KSR2: variants seen among roughly 807,000 people sequenced by gnomAD.
The protein encoded by KSR2 is kinase suppressor of ras 2.
In KSR2, 25 loss-of-function variants were observed where a neutral mutation model predicts 107.8. The observed-to-expected ratio is 0.23, with a 90% CI of 0.17 to 0.32. The LOEUF (loss-of-function observed/expected upper bound fraction) is 0.32. Among genes scored for constraint, KSR2 ranks in the 10% least tolerant of loss-of-function variants. KSR2 has a pLI of 1.00. For missense variants in KSR2, 887 were observed against 1,268.9 expected, an observed-to-expected ratio of 0.70 and a Z score of 4.57; for synonymous variants, 480 against 507.0, an observed-to-expected ratio of 0.95 and a Z score of 0.71.
At chr12:117,583,030 G>A (rs1354859660) in intron 5 of KSR2, among the ~76,000 whole-genome samples, 2 of 152,222 alleles carry the variant, frequency 1.3e-5, no homozygotes, top group East Asian at 3.9e-4. Context: ...ATCAATTTCT[G>A]TATATTATAG....
chr12:117,825,840 T>C (rs377508260), intron 3 of KSR2, among the ~76,000 whole-genome samples: 82 of 149,386 alleles, frequency 5.5e-4, no homozygotes, highest in African/African-American at 2.0e-3. Flanking sequence ...GATGGATGGG[T>C]AGGTGGATAA....
chr12:117,775,990 T>C (rs1357607784), intron 3 of KSR2, among the ~76,000 whole-genome samples: 2 of 152,112 alleles, frequency 1.3e-5, no homozygotes, highest in African/African-American at 2.4e-5. Flanking sequence ...GTTCAGTGTA[T>C]ACTGCTCGGG....
At chr12:117,716,098 C>T (rs1337296593) in intron 4 of KSR2, among the ~76,000 whole-genome samples, 2 of 152,216 alleles carry the variant, frequency 1.3e-5, no homozygotes, top group African/African-American at 4.8e-5. Context: ...TCTTTCATAG[C>T]ACCTGGAACA....
chr12:117,494,838 C>A (rs774886668), intron 14 of KSR2, among the ~76,000 whole-genome samples: 1 of 152,158 alleles, frequency 6.6e-6, no homozygotes, highest in South Asian at 2.1e-4. Context: ...ATTCTGAGAG[C>A]TGAATGAAGA....
chr12:117,739,129 GC>G (rs1293298471), intron 4 of KSR2, among the ~76,000 whole-genome samples: 1 of 152,212 alleles, frequency 6.6e-6, no homozygotes, highest in Non-Finnish European at 1.5e-5. Flanking sequence ...GCCAAGGTGG[GC>G]AGATCACGAG....
intron 14 of KSR2, among the ~76,000 whole-genome samples, chr12:117,514,454 C>A (rs1874234147): frequency 2.6e-5 from 4 of 152,074 alleles, no homozygotes; most frequent in Admixed American, 2.6e-4. Context: ...TGGGTGGCTC[C>A]CCTGACTGCC....
chr12:117,939,581 G>A lies in KSR2; in HGVS notation c.180+28495C>T, dbSNP rs555500647. On this transcript the variant is annotated intron_variant, in intron 1 of 19. Transcript: ENST00000339824. ...CAAAAAATTAGCTGGGCGTGGTGGC[G>A]GACGCCTGTAATCTCACCTACTCGG... Among the ~76,000 whole-genome samples, 376 of 152,102 alleles carry A rather than the reference G, an allele frequency of 2.5e-3. 3 individuals carry two copies. The highest frequency in any genetic ancestry group is 8.6e-3 in the African/African-American group (356 of 41,504).
At chr12:117,875,096 C>T (rs1180518999) in intron 1 of KSR2, among the ~76,000 whole-genome samples, 1 of 152,188 alleles carries the variant, frequency 6.6e-6, no homozygotes, top group East Asian at 1.9e-4. Context: ...TCCGCAGCGC[C>T]TTATTACTGT....
chr12:117,751,811 T>C (rs1175395414), intron 4 of KSR2, among the ~76,000 whole-genome samples: 1 of 152,164 alleles, frequency 6.6e-6, no homozygotes, highest in East Asian at 1.9e-4. Flanking sequence ...GCTGCCTGCA[T>C]CCTCTTAAGT....
At chr12:117,552,149 C>T (rs978575027) in intron 9 of KSR2, among the ~76,000 whole-genome samples, 4 of 152,154 alleles carry the variant, frequency 2.6e-5, no homozygotes, top group South Asian at 4.1e-4. Context: ...GAAAAGTGGA[C>T]GTGGCCTGAT....
intron 5 of KSR2, among the ~76,000 whole-genome samples, chr12:117,666,279 G>A (rs1458539841): frequency 6.6e-6 from 1 of 152,168 alleles, no homozygotes; most frequent in Non-Finnish European, 1.5e-5. Flanking sequence ...CGGGATGTTG[G>A]ATATTACATG....
At chr12:117,477,882 C>T (rs1198547569) in intron 16 of KSR2, among the ~76,000 whole-genome samples, 1 of 152,222 alleles carries the variant, frequency 6.6e-6, no homozygotes, top group Non-Finnish European at 1.5e-5. Context: ...GAATATCTCC[C>T]TTCATCCATG....
intron 5 of KSR2, among the ~76,000 whole-genome samples, chr12:117,641,991 C>T (rs1883384540): frequency 6.6e-6 from 1 of 152,212 alleles, no homozygotes; most frequent in Non-Finnish European, 1.5e-5. Flanking sequence ...AGAGGCTATT[C>T]CTTCTGCCTT....
At chr12:117,864,018 G>A (rs148035998) in intron 1 of KSR2, among the ~76,000 whole-genome samples, 36 of 152,210 alleles carry the variant, frequency 2.4e-4, no homozygotes, top group Non-Finnish European at 4.9e-4. Context: ...CCCATGTATG[G>A]TCACACAATC....
At chr12:117,801,937 TA>T (rs1356969122) in intron 3 of KSR2, among the ~76,000 whole-genome samples, 1 of 152,002 alleles carries the variant, frequency 6.6e-6, no homozygotes, top group Non-Finnish European at 1.5e-5. Flanking sequence ...AACTTGTCCC[TA>T]AGAAAAGGGT....
chr12:117,606,579 T>C (rs942799744), intron 5 of KSR2, among the ~76,000 whole-genome samples: 2 of 23,574 alleles, frequency 8.5e-5, no homozygotes, highest in African/African-American at 2.3e-4. Flanking sequence ...CTTCCTCCCT[T>C]CCCTTCTTCC....
intron 4 of KSR2, among the ~76,000 whole-genome samples, chr12:117,706,000 C>T (rs1292810525): frequency 6.6e-6 from 1 of 151,082 alleles, no homozygotes; most frequent in East Asian, 2.0e-4. Context: ...TAACTGAGTG[C>T]CTGCCCTGTG....
intron 5 of KSR2, among the ~76,000 whole-genome samples, chr12:117,587,812 G>A (rs933718110): frequency 6.6e-6 from 1 of 152,208 alleles, no homozygotes; most frequent in African/African-American, 2.4e-5. Context: ...CCCGATGTGC[G>A]TTAGAATGGA....
intron 1 of KSR2, among the ~76,000 whole-genome samples, chr12:117,915,849 A>G (rs1895155325): frequency 1.3e-5 from 2 of 152,274 alleles, no homozygotes; most frequent in South Asian, 2.1e-4. Context: ...CTGTAGTCCC[A>G]GCTACATCCA....
Sources: allele counts gnomAD v4.1 joint callset (sites outside exome capture counted in the v4.1 genomes callset), GRCh38; gene constraint gnomAD v4.1.1; transcripts MANE v1.5; gene names NCBI Gene and HGNC (gene_info 2026-07-23, HGNC 2026-07-21).